PFKFB4: variants seen among roughly 807,000 people sequenced by gnomAD.
The protein encoded by PFKFB4 is 6-phosphofructo-2-kinase/fructose-2,6-bisphosphatase 4.
A neutral mutation model predicts 62.8 loss-of-function variants in PFKFB4; 42 were observed. The observed-to-expected ratio is 0.67, with a 90% CI of 0.52 to 0.86. The LOEUF is 0.86. PFKFB4 is among the 40% of genes least tolerant of loss of function. PFKFB4 has a pLI of 0.00. For synonymous variants in PFKFB4, 204 were observed against 240.7 expected (o/e 0.85, Z 1.41); for missense variants, 475 against 627.2 (o/e 0.76, Z 2.59).
Position 48,544,008 on chromosome 3 carries a change from TTTTA to T in PFKFB4, c.312-366_312-363del, listed in dbSNP as rs1166254427. Among the ~76,000 whole-genome samples, 418 of 81,674 alleles carry T rather than the reference TTTTA, an allele frequency of 5.1e-3. 2 individuals carry two copies. Among genetic ancestry groups the T allele is most frequent in the African/African-American group, 0.019 (397 of 20,922 alleles). The allele number at this position is 81,674 out of a possible 152,430, so 53.6% of individuals were successfully genotyped here. A position where few individuals can be genotyped will look rare whatever the true frequency, so the allele number is the denominator to read the frequency against. ...CAAAATAAGCCCCCCCCCGCCCGCC[TTTTA>T]TTTATTTATTTATTTTTTTTGAGAC... On this transcript the variant is annotated intron_variant, in intron 3 of 13. Transcript: ENST00000232375.
At chr3:48,552,878 CA>C (rs1338177556) in intron 1 of PFKFB4, among the ~76,000 whole-genome samples, 1 of 152,194 alleles carries the variant, frequency 6.6e-6, no homozygotes, top group Admixed American at 6.5e-5. Context: ...GGCAGGGCAG[CA>C]AATCAGGCCT....
chr3:48,529,520 T>G (rs376763356), intron 9 of PFKFB4, among the ~76,000 whole-genome samples: 29 of 152,288 alleles, frequency 1.9e-4, no homozygotes, highest in Middle Eastern at 6.8e-3. Flanking sequence ...AACTGAATGT[T>G]AGCATCAAAT....
chr3:48,550,602 T>C (rs1212654106), intron 1 of PFKFB4, among the ~76,000 whole-genome samples: 2 of 152,220 alleles, frequency 1.3e-5, no homozygotes, highest in Non-Finnish European at 2.9e-5. Flanking sequence ...ATCAACACCC[T>C]GCCTCTGTCA....
intron 9 of PFKFB4, among the ~76,000 whole-genome samples, chr3:48,526,574 A>G (rs1279040972): frequency 6.9e-6 from 1 of 144,664 alleles, no homozygotes; most frequent in East Asian, 2.0e-4. Context: ...CTCTGTCTCA[A>G]AAAAAAAAAA....
At chr3:48,558,226 C>T (rs1471465839), upstream of PFKFB4, among the ~76,000 whole-genome samples, 2 of 152,182 alleles carry the variant, frequency 1.3e-5, no homozygotes, top group Non-Finnish European at 2.9e-5. Flanking sequence ...TGGCCCCCAC[C>T]GGACTCCTGC....
chr3:48,555,840 G>C (rs757110030), intron 1 of PFKFB4, among the ~76,000 whole-genome samples: 10 of 152,080 alleles, frequency 6.6e-5, no homozygotes, highest in Non-Finnish European at 1.2e-4. Flanking sequence ...GAAGGTCGTG[G>C]CTGCAGTGAA....
intron 9 of PFKFB4, among the ~76,000 whole-genome samples, chr3:48,533,043 T>C (rs150812081): frequency 4.7e-4 from 71 of 152,316 alleles, no homozygotes; most frequent in Non-Finnish European, 7.8e-4. Context: ...GTTTTTCTTT[T>C]TAAAATTTTT....
At position 48,523,578 on chromosome 3, in the gene PFKFB4, C is replaced by T; in HGVS notation, c.1244G>A (p.Cys415Tyr). ...KAAEQLPYLKCPLHTVLKLTP... is the reference protein window; with the variant it reads ...KAAEQLPYLKYPLHTVLKLTP... Reference sequence around the variant, plus strand: ...CAGCTTCAGGACTGTGTGCAGCGGACACTTGAGGTAGGGCAGCTGTTCTGT... The same window carrying T: ...CAGCTTCAGGACTGTGTGCAGCGGATACTTGAGGTAGGGCAGCTGTTCTGT... Residue 415 changes from cysteine (C) to tyrosine (Y), a missense_variant, in exon 12 of 14, where the codon TGT becomes TAT. Cys to Tyr is a radical substitution (Grantham distance 194, BLOSUM62 -2). Coordinates refer to ENST00000232375, the MANE Select transcript of PFKFB4 (RefSeq NM_004567.4). 1 of 1,614,168 alleles carries T rather than the reference C, an allele frequency of 6.2e-7. No individual in the cohort carries two copies. The highest frequency in any genetic ancestry group is 1.1e-5 in the South Asian group (1 of 91,090).
At chr3:48,549,774 G>A (rs2043074678) in intron 3 of PFKFB4, 90 bp downstream of exon 3, 9 of 826,710 alleles carry the variant, frequency 1.1e-5, no homozygotes, top group Non-Finnish European at 1.9e-5. Context: ...CACTCCAGGG[G>A]CTTCTCAGTA....
intron 4 of PFKFB4, among the ~76,000 whole-genome samples, 160 bp from the exon 5 acceptor site, chr3:48,539,931 C>T (rs970376019): frequency 3.3e-5 from 5 of 152,178 alleles, no homozygotes; most frequent in Non-Finnish European, 7.3e-5. Flanking sequence ...GGCCAGTCTC[C>T]TCCAGACTTG....
upstream of PFKFB4, chr3:48,559,898 C>CACACACACACACACACACA (rs2043405687): frequency 5.2e-6 from 1 of 190,898 alleles, no homozygotes; most frequent in African/African-American, 2.8e-5. Context: ...AACCATCCCA[C>CACACACACACACACACACA]CACACACACA....
intron 9 of PFKFB4, among the ~76,000 whole-genome samples, 185 bp downstream of exon 9, chr3:48,535,327 A>AGAC (rs1446091460): frequency 4.6e-5 from 7 of 152,138 alleles, no homozygotes; most frequent in African/African-American, 1.7e-4. Context: ...AGAATGGTCT[A>AGAC]GGGCTCACCC....
At chr3:48,520,348 A>G (rs2042059656) in intron 13 of PFKFB4, among the ~76,000 whole-genome samples, 1 of 152,206 alleles carries the variant, frequency 6.6e-6, no homozygotes, top group Admixed American at 6.5e-5. Context: ...TGCAGAGCTC[A>G]GTCCCATCCT....
At chr3:48,540,170 A>G (rs2042755791) in intron 4 of PFKFB4, among the ~76,000 whole-genome samples, 1 of 152,158 alleles carries the variant, frequency 6.6e-6, no homozygotes, top group Non-Finnish European at 1.5e-5. Context: ...CCATCCTGAC[A>G]CCCCAGTAAA....
At chr3:48,525,415 A>G (rs1038410953) in intron 10 of PFKFB4, 150 bp downstream of exon 10, 2 of 525,686 alleles carry the variant, frequency 3.8e-6, no homozygotes, top group Admixed American at 3.5e-5. Flanking sequence ...AGGGGTGGAG[A>G]TGAACCACAC....
At chr3:48,539,664 T>C (rs1288888029) in intron 5 of PFKFB4, 33 bp downstream of exon 5, 12 of 1,569,518 alleles carry the variant, frequency 7.6e-6, no homozygotes, top group Non-Finnish European at 1.1e-5. Flanking sequence ...CATGCCACAG[T>C]TCCGCCAAGG....
At position 48,536,262 on chromosome 3, in the gene PFKFB4, G is replaced by A. The variant is rs1330218336; in HGVS notation, c.834C>T (p.Gly278=). Residue 278 remains glycine (G), a synonymous_variant, in exon 8 of 14, where the codon GGC becomes GGT. Transcript: ENST00000232375. ...IGGDPGLSPR[G]REFAKSLAQF... ...CAGGGACACATGCACTGACCTCCCT[G>A]CCCCGAGGGGACAGTCCTGGGTCCC... The A allele has an allele frequency of 6.2e-7, 1 of 1,613,166 alleles. No homozygotes were observed. The highest frequency in any genetic ancestry group is 2.2e-5 in the East Asian group (1 of 44,886).
intron 3 of PFKFB4, 77 bp from the exon 4 acceptor site, chr3:48,543,723 A>T: frequency 9.1e-7 from 1 of 1,103,480 alleles, no homozygotes; most frequent in Non-Finnish European, 1.4e-6. Flanking sequence ...ACACAACAGG[A>T]GGAGACATGA....
Position 48,556,052 on chromosome 3 carries a change from T to C in PFKFB4, c.97+629A>G. 1 of 453,896 alleles carries C rather than the reference T, an allele frequency of 2.2e-6. No individual in the cohort carries two copies. The highest frequency in any genetic ancestry group is 1.6e-5 in the South Asian group (1 of 64,490). The allele number at this position is 453,896 out of a possible 1,614,324, so 28.1% of individuals were successfully genotyped here. ...TCCTAGCTGTTTCACTCTCCAGTTT[T>C]ACTGTACACCCATGACCCCAGGTGG... On this transcript the variant is annotated intron_variant, in intron 1 of 13. Coordinates refer to ENST00000232375, the MANE Select transcript of PFKFB4 (RefSeq NM_004567.4). This position sits in a 1 kb window ranked among gnomAD's most constrained non-coding sequence, Gnocchi z 5.7.
Sources: gnomAD v4.1 joint callset for allele counts (sites outside exome capture counted in the v4.1 genomes callset) on GRCh38, gnomAD v4.1.1 for gene constraint, Gnocchi (gnomAD v3.1) non-coding constraint, MANE v1.5 for transcripts, NCBI Gene and HGNC (gene_info 2026-07-23, HGNC 2026-07-21) for gene names.